The following TFEC variants were observed in gnomAD, a reference collection of about 807,000 sequenced individuals.
TFEC encodes transcription factor EC.
A neutral mutation model predicts 41.6 loss-of-function variants in TFEC; 31 were observed. The observed-to-expected ratio is 0.74, with a 90% CI of 0.56 to 1.01. The LOEUF is 1.01. Ranked by LOEUF, TFEC falls within the 50% of genes least tolerant of loss-of-function variation. The probability of loss-of-function intolerance (pLI) is 0.00; values close to 1 mark genes in which losing one functional copy is unlikely to be tolerated. For missense variants in TFEC, 402 were observed against 404.1 expected (o/e 0.99, Z 0.04); for synonymous variants, 143 against 140.6 (o/e 1.02, Z -0.12).
rs563004333 is a variant in TFEC at position 115,951,083 on chromosome 7, C to A, written c.440-134G>T. The A allele has an allele frequency of 1.3e-4, 55 of 434,182 alleles. No homozygotes were observed. In the South Asian group the frequency reaches 1.9e-3, roughly 15 times the overall value. 26.9% of individuals were successfully genotyped at this position (434,182 alleles called of 1,614,324 possible). The stretch of plus-strand genomic sequence containing the variant: ...CATTTAGTCAAAAGATAATACTTCT[C>A]AAGAATAAAATAAAAATTCTCATTC... On this transcript the variant is annotated intron_variant, in intron 5 of 7. Transcript: ENST00000265440.
chr7:115,956,534 A>G, intron 4 of TFEC, 145 bp downstream of exon 4: 1 of 513,578 alleles, frequency 1.9e-6, no homozygotes, highest in Non-Finnish European at 3.4e-6. Flanking sequence ...GATTATCATA[A>G]AAAGAAAAGA....
At chr7:115,977,600 G>C (rs1174858829) in intron 2 of TFEC, among the ~76,000 whole-genome samples, 1 of 151,878 alleles carries the variant, frequency 6.6e-6, no homozygotes, top group Non-Finnish European at 1.5e-5. Flanking sequence ...AGTTTAAGGA[G>C]TACTCCAGTC....
At chr7:116,075,129 T>G (rs1796926220) in intron 3 of TFEC, among the ~76,000 whole-genome samples, 1 of 152,218 alleles carries the variant, frequency 6.6e-6, no homozygotes, top group Non-Finnish European at 1.5e-5. Flanking sequence ...TGGTAATGTT[T>G]GCACAACTCT....
chr7:116,125,477 TG>T (rs1798190204), intron 1 of TFEC, among the ~76,000 whole-genome samples: 1 of 152,210 alleles, frequency 6.6e-6, no homozygotes, highest in Non-Finnish European at 1.5e-5. Context: ...TCGAAATTTT[TG>T]AGCAGCTAAG....
intron 5 of TFEC, among the ~76,000 whole-genome samples, chr7:115,951,184 T>C (rs995183403): frequency 6.6e-6 from 1 of 152,114 alleles, no homozygotes; most frequent in Non-Finnish European, 1.5e-5. Context: ...TCACAAAACA[T>C]TTTTAAAAAT....
intron 1 of TFEC, among the ~76,000 whole-genome samples, chr7:115,994,676 C>A (rs1794281187): frequency 6.6e-6 from 1 of 152,062 alleles, no homozygotes; most frequent in African/African-American, 2.4e-5. Context: ...GAATGGCAAT[C>A]ATTTAAAAAG....
chr7:116,065,651 A>G (rs950685633), intron 3 of TFEC, among the ~76,000 whole-genome samples: 1 of 152,128 alleles, frequency 6.6e-6, no homozygotes, highest in African/African-American at 2.4e-5. Flanking sequence ...TGCTTCTGAG[A>G]CAGGGAAAAT....
rs142983354 is a variant in TFEC, at chr7:116,075,857, G to A, written c.198+34851C>T. On this transcript the variant is annotated intron_variant, in intron 3 of 8. Transcript: ENST00000484212. ...CTCTATGGTCCTACCCACCACCTGA[G>A]AAATCTGAATACTTAACCAGGCATC... Among the ~76,000 whole-genome samples the A allele has an allele frequency of 4.0e-3, 613 of 152,230 alleles. 4 individuals are homozygous for A. The highest frequency in any genetic ancestry group is 0.014 in the African/African-American group (578 of 41,554).
chr7:116,151,197 A>G (rs981171261), intron 1 of TFEC, among the ~76,000 whole-genome samples: 4 of 151,784 alleles, frequency 2.6e-5, no homozygotes, highest in East Asian at 3.9e-4. Context: ...TTCTTGTAAC[A>G]TTAATCTAAA....
chr7:116,134,646 C>T lies in TFEC; in HGVS notation c.-68-22608G>A, dbSNP rs148738556. Among the ~76,000 whole-genome samples, 23 of 152,214 alleles carry T rather than the reference C, an allele frequency of 1.5e-4. No homozygotes were observed. The East Asian group carries it at 3.5e-3, about 23-fold the overall frequency. On this transcript the variant is annotated intron_variant, in intron 1 of 8. Transcript: ENST00000484212. The stretch of plus-strand genomic sequence containing the variant: ...CAGGTTAATAAGACTGTGAGCATTG[C>T]TATACGAAAAATTAGAAGTCTTCTT...
chr7:116,015,201 C>T (rs989868083), intron 1 of TFEC, among the ~76,000 whole-genome samples: 4 of 151,728 alleles, frequency 2.6e-5, no homozygotes, highest in Non-Finnish European at 4.4e-5. Context: ...CTATCAAACA[C>T]GTTTCCTGGA....
intron 6 of TFEC, among the ~76,000 whole-genome samples, chr7:115,945,233 A>G (rs1791467349): frequency 6.6e-6 from 1 of 151,098 alleles, no homozygotes; most frequent in Non-Finnish European, 1.5e-5. Flanking sequence ...CCTCAAAGTA[A>G]ATTTGCCTCC....
At chr7:115,989,968 T>C (rs1584649296) in intron 1 of TFEC, among the ~76,000 whole-genome samples, 1 of 152,120 alleles carries the variant, frequency 6.6e-6, no homozygotes, top group East Asian at 1.9e-4. Flanking sequence ...AACTGGCAGG[T>C]ACCTCCTAGT....
intron 3 of TFEC, among the ~76,000 whole-genome samples, chr7:116,054,771 G>A (rs2130967608): frequency 6.6e-6 from 1 of 152,038 alleles, no homozygotes; most frequent in African/African-American, 2.4e-5. Context: ...ATTTCATCTG[G>A]CAACCCTATT....
chr7:116,013,160 T>C (rs1795065376), intron 1 of TFEC, among the ~76,000 whole-genome samples: 1 of 152,158 alleles, frequency 6.6e-6, no homozygotes, highest in Non-Finnish European at 1.5e-5. Flanking sequence ...AACCAGTATT[T>C]CTGAGTAAAA....
intron 3 of TFEC, among the ~76,000 whole-genome samples, chr7:116,092,454 AAT>A (rs1369907286): frequency 1.3e-5 from 2 of 152,048 alleles, no homozygotes; most frequent in African/African-American, 4.8e-5. Context: ...TTCTAAAATA[AAT>A]ATGTTACCTG....
chr7:116,152,762 A>C (rs1798787098), intron 1 of TFEC, among the ~76,000 whole-genome samples: 1 of 152,234 alleles, frequency 6.6e-6, no homozygotes, highest in African/African-American at 2.4e-5. Flanking sequence ...GAGCGACTTA[A>C]TTGCATCCTA....
chr7:115,975,603 G>T (rs1793343161), intron 2 of TFEC, among the ~76,000 whole-genome samples: 1 of 152,130 alleles, frequency 6.6e-6, no homozygotes, highest in Non-Finnish European at 1.5e-5. Context: ...CCAACAGCAG[G>T]AAATTCTTCC....
rs1392344448 is a variant in TFEC at position 115,974,043 on chromosome 7, G to A, written c.267+127C>T. On this transcript the variant is annotated intron_variant, in intron 3 of 7. Coordinates refer to ENST00000265440, the MANE Select transcript of TFEC (RefSeq NM_012252.4). Reference sequence around the variant, plus strand: ...TTTCTGCACCAATAAATATTTTCTAGTATTCATCTTTTATCTTGTCTGTTT... The same window carrying A: ...TTTCTGCACCAATAAATATTTTCTAATATTCATCTTTTATCTTGTCTGTTT... The A allele has an allele frequency of 9.0e-6, 6 of 668,874 alleles. No homozygotes were observed. The East Asian group carries it at 1.9e-4, about 21-fold the overall frequency. 41.4% of individuals were successfully genotyped at this position (668,874 alleles called of 1,614,324 possible). A position where few individuals can be genotyped will look rare whatever the true frequency, so the allele number is the denominator to read the frequency against.
Sources: gnomAD v4.1 joint callset for allele counts (sites outside exome capture counted in the v4.1 genomes callset) on GRCh38, gnomAD v4.1.1 for gene constraint, MANE v1.5 for transcripts, NCBI Gene and HGNC (gene_info 2026-07-23, HGNC 2026-07-21) for gene names.